Variants in NEGR1 observed in about 807,000 individuals in gnomAD.
NEGR1 encodes IgLON family member 4.
Under a neutral mutation model 40.9 loss-of-function variants are expected in NEGR1, and 10 were observed. That is an observed-to-expected ratio of 0.24 (90% CI 0.15 to 0.42). The LOEUF (loss-of-function observed/expected upper bound fraction) is 0.42, where lower values mean the gene tolerates loss of function less well. Among genes scored for constraint, NEGR1 ranks in the 10% least tolerant of loss-of-function variants. NEGR1 has a pLI of 1.00. For missense variants in NEGR1, 352 were observed against 438.9 expected, an observed-to-expected ratio of 0.80 and a Z score of 1.77; for synonymous variants, 185 against 166.8, an observed-to-expected ratio of 1.11 and a Z score of -0.84.
intron 4 of NEGR1, among the ~76,000 whole-genome samples, chr1:71,634,927 C>G (rs1232281317): frequency 6.6e-6 from 1 of 152,028 alleles, no homozygotes; most frequent in Non-Finnish European, 1.5e-5. Flanking sequence ...GTTTAAGAGG[C>G]AGTTTTAAAG....
chr1:71,589,692 T>G (rs1649435312), intron 6 of NEGR1, among the ~76,000 whole-genome samples: 1 of 152,132 alleles, frequency 6.6e-6, no homozygotes, highest in South Asian at 2.1e-4. Flanking sequence ...ATCTCCTAAT[T>G]AGCTCTCAAC....
At chr1:72,119,478 G>A (rs770070061) in intron 1 of NEGR1, among the ~76,000 whole-genome samples, 1 of 151,818 alleles carries the variant, frequency 6.6e-6, no homozygotes, top group African/African-American at 2.4e-5. Flanking sequence ...AATGAGGGGG[G>A]CATAAGAATA....
At chr1:71,799,151 C>T (rs1378034179) in intron 2 of NEGR1, among the ~76,000 whole-genome samples, 4 of 151,816 alleles carry the variant, frequency 2.6e-5, no homozygotes, top group African/African-American at 4.8e-5. Flanking sequence ...CCCATCAACC[C>T]GTCATCTACA....
intron 1 of NEGR1, among the ~76,000 whole-genome samples, chr1:71,939,177 T>C (rs1484943937): frequency 6.6e-6 from 1 of 152,134 alleles, no homozygotes; most frequent in East Asian, 1.9e-4. Flanking sequence ...TGCAACTTTT[T>C]TCCCCTAAAG....
At chr1:72,257,888 G>C (rs1160511628) in intron 1 of NEGR1, among the ~76,000 whole-genome samples, 5 of 152,090 alleles carry the variant, frequency 3.3e-5, no homozygotes, top group Admixed American at 2.6e-4. Flanking sequence ...ATAAATCTCT[G>C]AACATTCTGT....
intron 2 of NEGR1, among the ~76,000 whole-genome samples, chr1:71,917,107 A>C (rs1053362640): frequency 1.3e-5 from 2 of 152,186 alleles, no homozygotes; most frequent in Non-Finnish European, 2.9e-5. Context: ...CACACTTGGC[A>C]CAGCAGCCTG....
chr1:72,257,292 A>C (rs1369584563), intron 1 of NEGR1, among the ~76,000 whole-genome samples: 3 of 139,866 alleles, frequency 2.1e-5, no homozygotes, highest in Non-Finnish European at 4.5e-5. Context: ...ACTGCACTCC[A>C]GCCTGGGCGA....
intron 1 of NEGR1, among the ~76,000 whole-genome samples, chr1:72,175,493 A>T (rs1176657964): frequency 6.6e-6 from 1 of 152,096 alleles, no homozygotes; most frequent in Non-Finnish European, 1.5e-5. Context: ...CTTAAATGCA[A>T]AATGTTCGCC....
chr1:72,108,889 T>C (rs1649241947), intron 1 of NEGR1, among the ~76,000 whole-genome samples: 1 of 151,546 alleles, frequency 6.6e-6, no homozygotes, highest in African/African-American at 2.4e-5. Flanking sequence ...TTTCTAACTT[T>C]TTTTTTTAAC....
chr1:71,467,543 A>T (rs1191003350), intron 6 of NEGR1, among the ~76,000 whole-genome samples: 1 of 152,012 alleles, frequency 6.6e-6, no homozygotes, highest in Non-Finnish European at 1.5e-5. Context: ...TTTTAATTTG[A>T]TATAATTTTT....
At chr1:71,741,642 T>C (rs1396266621) in intron 3 of NEGR1, among the ~76,000 whole-genome samples, 3 of 152,174 alleles carry the variant, frequency 2.0e-5, no homozygotes, top group African/African-American at 7.2e-5. Flanking sequence ...CTTTGAGAAG[T>C]ACATTAGACC....
At chr1:71,790,512 T>C (rs1223684624) in intron 2 of NEGR1, among the ~76,000 whole-genome samples, 1 of 151,878 alleles carries the variant, frequency 6.6e-6, no homozygotes, top group Non-Finnish European at 1.5e-5. Flanking sequence ...GAACCAGGAG[T>C]GTTTACATAA....
rs548970344 is a variant in NEGR1, at chr1:71,757,765, T to C, written c.535+18407A>G. On this transcript the variant is annotated intron_variant, in intron 3 of 6. Coordinates refer to ENST00000357731, the MANE Select transcript of NEGR1 (RefSeq NM_173808.3). The stretch of plus-strand genomic sequence containing the variant: ...ACATTCTCCTCTTATACTGTTTATA[T>C]AGAAGAAACAGAATACAAAATAAAA... 1.7e-3 allele frequency among the ~76,000 whole-genome samples: 266 copies of C among 152,192 alleles called. 2 individuals are homozygous for C. Among genetic ancestry groups the C allele is most frequent in the Non-Finnish European group, 2.9e-3 (195 of 67,954 alleles).
intron 1 of NEGR1, among the ~76,000 whole-genome samples, chr1:72,255,902 A>T (rs1345818344): frequency 6.6e-6 from 1 of 152,240 alleles, no homozygotes; most frequent in Non-Finnish European, 1.5e-5. Flanking sequence ...AGAAAACATT[A>T]CATTTGCTCC....
intron 6 of NEGR1, among the ~76,000 whole-genome samples, chr1:71,444,990 T>C (rs1646571293): frequency 1.3e-5 from 2 of 152,160 alleles, no homozygotes; most frequent in Non-Finnish European, 2.9e-5. Flanking sequence ...TCTGTTCTCA[T>C]GGAGTTTACA....
intron 2 of NEGR1, among the ~76,000 whole-genome samples, chr1:71,778,557 C>G (rs1358143192): frequency 6.6e-6 from 1 of 152,092 alleles, no homozygotes; most frequent in Non-Finnish European, 1.5e-5. Context: ...CATCTGTATT[C>G]ATAAACATAC....
In NEGR1 at chr1:71,831,218, T is replaced by C. The variant is rs1219283413; in HGVS notation, c.410-54921A>G. ...GCTGGGACAGACACTGGAAATTTCA[T>C]GTTCATTCAAATCACCAAGTACTCA... On this transcript the variant is annotated intron_variant, in intron 2 of 6. Coordinates refer to ENST00000357731, the MANE Select transcript of NEGR1 (RefSeq NM_173808.3). Among the ~76,000 whole-genome samples, 9 of 151,966 alleles carry C rather than the reference T, an allele frequency of 5.9e-5. No individual in the cohort carries two copies. In the East Asian group the frequency reaches 1.8e-3, roughly 30 times the overall value.
chr1:71,600,135 C>A (rs1649865416), intron 5 of NEGR1, among the ~76,000 whole-genome samples: 1 of 152,190 alleles, frequency 6.6e-6, no homozygotes, highest in Non-Finnish European at 1.5e-5. Context: ...GTCCTGCAAT[C>A]TAAGGTGACA....
chr1:72,195,767 T>C (rs909055546), intron 1 of NEGR1, among the ~76,000 whole-genome samples: 3 of 152,036 alleles, frequency 2.0e-5, no homozygotes, highest in Admixed American at 1.3e-4. Flanking sequence ...ATACCTTTTA[T>C]ATACACCTTG....
Sources: gnomAD v4.1 joint callset for allele counts (sites outside exome capture counted in the v4.1 genomes callset) on GRCh38, gnomAD v4.1.1 for gene constraint, MANE v1.5 for transcripts, NCBI Gene and HGNC (gene_info 2026-07-23, HGNC 2026-07-21) for gene names.